GOLM1: variants seen among roughly 807,000 people sequenced by gnomAD.
GOLM1 encodes the protein golgi membrane protein 1.
A neutral mutation model predicts 50.5 loss-of-function variants in GOLM1; 31 were observed. The observed-to-expected ratio is 0.61, with a 90% CI of 0.46 to 0.83. The LOEUF is 0.83. Ranked by LOEUF, GOLM1 falls within the 40% of genes least tolerant of loss-of-function variation. The pLI is 0.00. For missense variants in GOLM1, 491 were observed against 501.3 expected (o/e 0.98, Z 0.20); for synonymous variants, 178 against 192.8 (o/e 0.92, Z 0.64).
At chr9:86,081,460 T>C (rs921736907) in intron 1 of GOLM1, among the ~76,000 whole-genome samples, 12 of 151,876 alleles carry the variant, frequency 7.9e-5, no homozygotes, top group African/African-American at 2.9e-4. Flanking sequence ...TCTCCCAAAG[T>C]GCTGGGAATA....
upstream of GOLM1, chr9:86,100,120 T>G (rs1352673505): frequency 4.6e-5 from 7 of 152,242 alleles, no homozygotes; most frequent in African/African-American, 1.7e-4. Context: ...CTGTGACCCT[T>G]CCACTGCTAG....
chr9:86,060,227 G>A (rs1229957551), intron 3 of GOLM1, among the ~76,000 whole-genome samples: 3 of 152,096 alleles, frequency 2.0e-5, no homozygotes, highest in Non-Finnish European at 4.4e-5. Flanking sequence ...AGTGCTCACA[G>A]CCACCTGCAG....
chr9:86,087,406 C>T (rs140348176), intron 1 of GOLM1, among the ~76,000 whole-genome samples: 182 of 152,308 alleles, frequency 1.2e-3, no homozygotes, highest in African/African-American at 4.2e-3. Flanking sequence ...GATCATATGA[C>T]TTCCTCTCTT....
chr9:86,063,314 C>T (rs539613832), intron 3 of GOLM1, among the ~76,000 whole-genome samples: 66 of 152,352 alleles, frequency 4.3e-4, no homozygotes, highest in African/African-American at 1.6e-3. Flanking sequence ...TCTCAATGGG[C>T]ACCCCAGGGC....
chr9:86,088,662 C>T (rs562809397), intron 1 of GOLM1, among the ~76,000 whole-genome samples: 1 of 149,072 alleles, frequency 6.7e-6, no homozygotes, highest in South Asian at 2.1e-4. Context: ...TGTGTCTCTG[C>T]GTGTGAGATG....
intron 8 of GOLM1, chr9:86,035,037 A>G (rs1833090718): frequency 1.0e-6 from 1 of 985,142 alleles, no homozygotes. Flanking sequence ...ACGACGGTGG[A>G]CATACAAAAA....
At chr9:86,075,324 G>A (rs1834579053) in intron 3 of GOLM1, among the ~76,000 whole-genome samples, 1 of 152,230 alleles carries the variant, frequency 6.6e-6, no homozygotes, top group Admixed American at 6.5e-5. Context: ...TGCTGCGGTG[G>A]CTTACGACTG....
chr9:86,099,815 T>A (rs985810134), upstream of GOLM1, among the ~76,000 whole-genome samples: 26 of 152,024 alleles, frequency 1.7e-4, no homozygotes, highest in Non-Finnish European at 5.9e-5. Context: ...AGCTGGCGCC[T>A]GAGCAGCGAC....
upstream of GOLM1, among the ~76,000 whole-genome samples, chr9:86,099,729 G>A (rs927327314): frequency 3.3e-5 from 5 of 151,782 alleles, no homozygotes; most frequent in Admixed American, 3.3e-4. Flanking sequence ...GAGCAGGAAC[G>A]CCAGCGTGCG....
intron 5 of GOLM1, among the ~76,000 whole-genome samples, chr9:86,045,095 G>C (rs956607905): frequency 6.6e-6 from 1 of 152,108 alleles, no homozygotes; most frequent in Non-Finnish European, 1.5e-5. Context: ...TTGTGGCTGG[G>C]TGCGGTGACT....
intron 3 of GOLM1, among the ~76,000 whole-genome samples, chr9:86,058,514 A>G (rs1236204028): frequency 6.6e-6 from 1 of 150,588 alleles, no homozygotes; most frequent in Non-Finnish European, 1.5e-5. Context: ...TGGCCAACAC[A>G]GCAAAACTCT....
intron 6 of GOLM1, among the ~76,000 whole-genome samples, chr9:86,038,823 A>C (rs543398238): frequency 1.3e-3 from 192 of 152,354 alleles, no homozygotes; most frequent in Middle Eastern, 6.8e-3. Flanking sequence ...CTTAAACGTA[A>C]GAACTAAGAA....
At chr9:86,090,920 T>G (rs1835165329) in intron 1 of GOLM1, among the ~76,000 whole-genome samples, 1 of 151,780 alleles carries the variant, frequency 6.6e-6, no homozygotes, top group Non-Finnish European at 1.5e-5. Flanking sequence ...GGTCTGTGGG[T>G]TGCGAAGAGC....
intron 5 of GOLM1, 128 bp downstream of exon 5, chr9:86,046,342 G>A (rs539872056): frequency 4.5e-4 from 289 of 645,638 alleles, no homozygotes; most frequent in Non-Finnish European, 6.3e-4. Context: ...AGAGGGGCCC[G>A]TGCCTTTCTC....
At chr9:86,066,458 C>A (rs913293923) in intron 3 of GOLM1, among the ~76,000 whole-genome samples, 20 of 152,330 alleles carry the variant, frequency 1.3e-4, no homozygotes, top group African/African-American at 4.8e-4. Flanking sequence ...AAGCAAGTCA[C>A]CAACACCTCT....
At chr9:86,039,967 CAAA>C (rs202123864) in intron 6 of GOLM1, among the ~76,000 whole-genome samples, 7 of 72,356 alleles carry the variant, frequency 9.7e-5, no homozygotes, top group Admixed American at 1.6e-4. Flanking sequence ...GATGCCCTCT[CAAA>C]AAAAAAAAAA....
At chr9:86,096,513 C>T (rs1835360437) in intron 1 of GOLM1, among the ~76,000 whole-genome samples, 1 of 152,164 alleles carries the variant, frequency 6.6e-6, no homozygotes, top group Non-Finnish European at 1.5e-5. Context: ...TTGTGGCCGA[C>T]CCCAGACCTA....
chr9:86,061,545 G>T (rs1489106562), intron 3 of GOLM1, among the ~76,000 whole-genome samples: 1 of 152,214 alleles, frequency 6.6e-6, no homozygotes, highest in African/African-American at 2.4e-5. Context: ...GGGAAGACCG[G>T]GATGGGAGAG....
At chr9:86,052,777 G>A (rs1459218897) in intron 3 of GOLM1, among the ~76,000 whole-genome samples, 186 bp from the exon 4 acceptor site, 2 of 152,054 alleles carry the variant, frequency 1.3e-5, no homozygotes, top group African/African-American at 4.8e-5. Flanking sequence ...CCGACCTAGA[G>A]ATCCGCTCCC....
Sources: gnomAD v4.1 joint callset for allele counts (sites outside exome capture counted in the v4.1 genomes callset) on GRCh38, gnomAD v4.1.1 for gene constraint, MANE v1.5 for transcripts, NCBI Gene and HGNC (gene_info 2026-07-23, HGNC 2026-07-21) for gene names.